The following SMAD3 variants were observed in gnomAD, a reference collection of about 807,000 sequenced individuals.
SMAD3 encodes the protein MAD homolog 3.
SMAD3 carries 12 observed loss-of-function variants against 51.8 expected under a neutral mutation model. The ratio of observed to expected loss-of-function variants is 0.23; its 90% CI spans 0.15 to 0.38. The LOEUF is 0.38. Ranked by LOEUF, SMAD3 falls within the 10% of genes least tolerant of loss-of-function variation. The pLI is 1.00. For synonymous variants in SMAD3, 238 were observed against 227.7 expected (o/e 1.05, Z -0.41); for missense variants, 294 against 565.6 (o/e 0.52, Z 4.87).
intron 6 of SMAD3, among the ~76,000 whole-genome samples, chr15:67,181,698 A>C (rs1963065158): frequency 1.3e-5 from 2 of 152,086 alleles, no homozygotes; most frequent in Admixed American, 1.3e-4. Flanking sequence ...TCAAAGATAT[A>C]ATCTCAGAAA....
rs975954141 is a variant in SMAD3, at chr15:67,194,497, A to AT, written c.*3970dup. The AT allele has an allele frequency of 6.3e-4, 141 of 225,488 alleles. No homozygotes were observed. The highest frequency in any genetic ancestry group is 2.7e-3 in the Middle Eastern group (2 of 744). 14.0% of individuals were successfully genotyped at this position (225,488 alleles called of 1,614,324 possible). ...GAAATTCTCAGTGATTCTGCAATGG[A>AT]TTTTTTTTTAATGCAGAAGTAATGT... On this transcript the variant is annotated 3_prime_UTR_variant, in exon 9 of 9. Coordinates refer to ENST00000327367, the MANE Select transcript of SMAD3 (RefSeq NM_005902.4).
intron 1 of SMAD3, among the ~76,000 whole-genome samples, chr15:67,081,655 T>A (rs976213793): frequency 2.0e-5 from 3 of 152,188 alleles, no homozygotes; most frequent in African/African-American, 7.2e-5. Context: ...CAAGCTTGTC[T>A]CCTGTTGGTC....
Position 67,085,761 on chromosome 15 carries a change from G to A in SMAD3, c.206+19401G>A, listed in dbSNP as rs200442805. On this transcript the variant is annotated intron_variant, in intron 1 of 8. Transcript: ENST00000327367. ...CTTTCCTAGGTGATTCCGGTATGTG[G>A]CCGGGATTGAGAATCACAGCCATAG... 9.9e-5 allele frequency among the ~76,000 whole-genome samples: 15 copies of A among 152,218 alleles called. No individual in the cohort carries two copies. In the East Asian group the frequency reaches 2.3e-3, roughly 23 times the overall value.
At chr15:67,140,733 C>A (rs1011145975) in intron 1 of SMAD3, among the ~76,000 whole-genome samples, 3 of 152,174 alleles carry the variant, frequency 2.0e-5, no homozygotes, top group Non-Finnish European at 4.4e-5. Context: ...TCTTCGAGTT[C>A]TGTTTTGATT....
chr15:67,080,464 G>T (rs988407105), intron 1 of SMAD3, among the ~76,000 whole-genome samples: 1 of 152,110 alleles, frequency 6.6e-6, no homozygotes, highest in Non-Finnish European at 1.5e-5. Context: ...CTACTATGTC[G>T]GCACCATCAT....
chr15:67,068,630 A>C (rs2140191713), intron 1 of SMAD3, among the ~76,000 whole-genome samples: 1 of 152,286 alleles, frequency 6.6e-6, no homozygotes. Flanking sequence ...CTGAATACAA[A>C]AGTAGATTTT....
Position 67,171,506 on chromosome 15 carries a change from A to T in SMAD3, c.658+902A>T, listed in dbSNP as rs111681803. ...ATATTCTGGTCTGGTAGTTTTAGAA[A>T]ATGTAAGTTGGATTTTGTTTGGAAC... On this transcript the variant is annotated intron_variant, in intron 5 of 8. Transcript: ENST00000327367. Among the ~76,000 whole-genome samples the T allele has an allele frequency of 8.6e-3, 1,309 of 152,334 alleles. 27 individuals are homozygous for T. The highest frequency in any genetic ancestry group is 0.03 in the African/African-American group (1,249 of 41,574).
Position 67,066,129 on chromosome 15 carries a change from T to TCGCCGCCCGCGCGCCCTCCC in SMAD3, c.-24_-5dup, listed in dbSNP as rs1959908280. The TCGCCGCCCGCGCGCCCTCCC allele has an allele frequency of 1.9e-6, 3 of 1,552,364 alleles. No individual in the cohort carries two copies. The highest frequency in any genetic ancestry group is 1.7e-6 in the Non-Finnish European group (2 of 1,148,146). ...AGCCCAGCCCCGCCGGGGGCGCTCC[T>TCGCCGCCCGCGCGCCCTCCC]CGCCGCCCGCGCGCCCTCCCCAGCC... On this transcript the variant is annotated 5_prime_UTR_variant, in exon 1 of 9. Transcript: ENST00000327367.
At chr15:67,072,990 A>G (rs559384094) in intron 1 of SMAD3, among the ~76,000 whole-genome samples, 3 of 152,222 alleles carry the variant, frequency 2.0e-5, no homozygotes, top group Non-Finnish European at 4.4e-5. Flanking sequence ...CGGACAAAAT[A>G]GTGAATAAGG....
chr15:67,125,874 G>A lies in SMAD3; in HGVS notation c.207-39021G>A, dbSNP rs1566976614. On this transcript the variant is annotated intron_variant, in intron 1 of 8. Transcript: ENST00000327367. ...CTGGGGTAATTTATTGCCGCCGCTC[G>A]CTTCACCAGGAACCCCACACGCTGG... 8 of 985,440 alleles carry A rather than the reference G, an allele frequency of 8.1e-6. No individual in the cohort carries two copies. In the East Asian group the frequency reaches 3.4e-4, roughly 42 times the overall value. 61.0% of individuals were successfully genotyped at this position (985,440 alleles called of 1,614,324 possible).
chr15:67,103,425 C>CAGCA (rs1213907905), intron 1 of SMAD3, among the ~76,000 whole-genome samples: 1 of 152,178 alleles, frequency 6.6e-6, no homozygotes. Flanking sequence ...GTTTGGAAAA[C>CAGCA]AGCAGAACAC....
intron 1 of SMAD3, among the ~76,000 whole-genome samples, chr15:67,123,452 T>C (rs1880989593): frequency 6.6e-6 from 1 of 152,150 alleles, no homozygotes; most frequent in Admixed American, 6.5e-5. Flanking sequence ...TGAGCCAAGA[T>C]TGTGCCATCG....
intron 4 of SMAD3, 133 bp from the exon 5 acceptor site, chr15:67,170,421 C>T: frequency 3.9e-6 from 3 of 766,562 alleles, no homozygotes; most frequent in Non-Finnish European, 6.9e-6. Flanking sequence ...TAGGCCTTCT[C>T]CTGGGACCCC....
At chr15:67,104,714 G>A (rs897027054) in intron 1 of SMAD3, among the ~76,000 whole-genome samples, 1 of 152,248 alleles carries the variant, frequency 6.6e-6, no homozygotes, top group African/African-American at 2.4e-5. Flanking sequence ...TTGTTTCCCC[G>A]ATGGTCATTG....
chr15:67,166,208 C>G, intron 3 of SMAD3: 3 of 1,017,754 alleles, frequency 2.9e-6, no homozygotes, highest in Non-Finnish European at 3.5e-6. Context: ...GTCAACTACT[C>G]CCTGTTCAAA....
At chr15:67,144,574 C>G (rs1319413592) in intron 1 of SMAD3, among the ~76,000 whole-genome samples, 1 of 152,132 alleles carries the variant, frequency 6.6e-6, no homozygotes, top group Non-Finnish European at 1.5e-5. Context: ...TTGCTATGTG[C>G]CAGGCTTGAT....
chr15:67,121,441 G>A (rs1961261313), intron 1 of SMAD3, among the ~76,000 whole-genome samples: 1 of 152,184 alleles, frequency 6.6e-6, no homozygotes. Flanking sequence ...TCCGTTCTGG[G>A]TGGGCAGCTC....
At position 67,190,253 on chromosome 15, in the gene SMAD3, C is replaced by T. The variant is rs116727612; in HGVS notation, c.1155-160C>T. On this transcript the variant is annotated intron_variant, in intron 8 of 8. Coordinates refer to ENST00000327367, the MANE Select transcript of SMAD3 (RefSeq NM_005902.4). ...TCCTCCCTGGGTAGAGGAGTTTGGC[C>T]GGGTAGTTTCAGCAAGTTACTGGTA... 0.011 allele frequency among the ~76,000 whole-genome samples: 1,642 copies of T among 152,210 alleles called. 28 individuals carry two copies. Among genetic ancestry groups the T allele is most frequent in the African/African-American group, 0.038 (1,558 of 41,518 alleles).
In SMAD3 at chr15:67,072,228, G is replaced by A. The variant is rs150983206; in HGVS notation, c.206+5868G>A. Among the ~76,000 whole-genome samples the A allele has an allele frequency of 2.0e-5, 3 of 152,252 alleles. No individual in the cohort carries two copies. In the East Asian group the frequency reaches 5.8e-4, roughly 29 times the overall value. The stretch of plus-strand genomic sequence containing the variant: ...ATTAACACGATTTAATGAACTGAGC[G>A]ACCATTAATTTTTACTTGTTAATTT... On this transcript the variant is annotated intron_variant, in intron 1 of 8. Coordinates refer to ENST00000327367, the MANE Select transcript of SMAD3 (RefSeq NM_005902.4).
Sources: gnomAD v4.1 joint callset for allele counts (sites outside exome capture counted in the v4.1 genomes callset) on GRCh38, gnomAD v4.1.1 for gene constraint, MANE v1.5 for transcripts, NCBI Gene and HGNC (gene_info 2026-07-23, HGNC 2026-07-21) for gene names.